Variants in WDR83 observed in about 807,000 individuals in gnomAD.
WDR83 encodes the protein WD repeat domain 83, also known as WD repeat domain-containing protein 83.
In WDR83, 37 loss-of-function variants were observed where a neutral mutation model predicts 37.7. That is an observed-to-expected ratio of 0.98 (90% CI 0.76 to 1.29). The LOEUF (loss-of-function observed/expected upper bound fraction) is 1.29, where lower values mean the gene tolerates loss of function less well. Ranked by LOEUF, WDR83 falls within the 50% of genes most tolerant of loss-of-function variation. The pLI, the probability that WDR83 is intolerant of heterozygous loss-of-function variation, is 0.00. For synonymous variants in WDR83, 174 were observed against 181.1 expected (o/e 0.96, Z 0.31); for missense variants, 445 against 414.4 (o/e 1.07, Z -0.64).
rs2024368957 is a variant in WDR83, at chr19:12,670,157, ATCC to A, written c.225-12_225-10del. The A allele has an allele frequency of 6.2e-6, 10 of 1,610,026 alleles. No individual in the cohort carries two copies. The highest frequency in any genetic ancestry group is 3.3e-5 in the South Asian group (3 of 90,946). ...AGGCTGGGATCCGAGGTCGATGCTGATCCTCCTCCTCCTTTACTCCAGCTCCTT... is the reference window on the plus strand; with the variant it reads ...AGGCTGGGATCCGAGGTCGATGCTGATCCTCCTCCTTTACTCCAGCTCCTT... On this transcript the variant is annotated intron_variant, in intron 4 of 10. Transcript: ENST00000418543.
In WDR83 at chr19:12,673,026, G is replaced by A; in HGVS notation, c.593G>A (p.Cys198Tyr). 1 of 1,613,514 alleles carries A rather than the reference G, an allele frequency of 6.2e-7. No individual in the cohort carries two copies. Among genetic ancestry groups the A allele is most frequent in the South Asian group, 1.1e-5 (1 of 91,062 alleles). Reference protein sequence around the residue: ...DYVGSPITCTCFSRDGQCTLV... With the variant: ...DYVGSPITCTYFSRDGQCTLV... ...CCCCAAGGCCCCATCACCTGCACCTGCTTCAGCCGGGATGGGCAGTGCACC... is the reference window on the plus strand; with the variant it reads ...CCCCAAGGCCCCATCACCTGCACCTACTTCAGCCGGGATGGGCAGTGCACC... The change falls in exon 9 of 11, where the codon TGC (cysteine) becomes TAC (tyrosine). Residue 198 changes from cysteine (C) to tyrosine (Y), a missense_variant. Coordinates refer to ENST00000418543, the MANE Select transcript of WDR83 (RefSeq NM_001099737.3).
intron 10 of WDR83, among the ~76,000 whole-genome samples, chr19:12,674,562 C>G (rs2024514148): frequency 6.6e-6 from 1 of 152,144 alleles, no homozygotes; most frequent in Non-Finnish European, 1.5e-5. Flanking sequence ...GGAGGGCAGG[C>G]ACATCAAGGG....
intron 10 of WDR83, among the ~76,000 whole-genome samples, chr19:12,673,765 C>A (rs965177150): frequency 6.6e-6 from 1 of 152,062 alleles, no homozygotes; most frequent in African/African-American, 2.4e-5. Context: ...GTGGCGCCAT[C>A]TCAGCTCACT....
At chr19:12,674,550 TTG>T (rs2145329807) in intron 10 of WDR83, among the ~76,000 whole-genome samples, 1 of 152,276 alleles carries the variant, frequency 6.6e-6, no homozygotes, top group South Asian at 2.1e-4. Context: ...AGAAGTTGCC[TTG>T]GAGGGCAGGC....
chr19:12,672,973 C>T, intron 8 of WDR83, 35 bp from the exon 9 acceptor site: 9 of 1,600,060 alleles, frequency 5.6e-6, no homozygotes, highest in Non-Finnish European at 7.7e-6. Context: ...CCAGGGGCAC[C>T]CCACCCTCAC....
chr19:12,666,866 A>G lies in WDR83; in HGVS notation c.-283A>G, dbSNP rs1031197739. 2.3e-5 allele frequency: 15 copies of G among 661,098 alleles called. No homozygotes were observed. Among genetic ancestry groups the G allele is most frequent in the African/African-American group, 3.7e-5 (2 of 54,046 alleles). The allele number at this position is 661,098 out of a possible 1,614,324, so 41.0% of individuals were successfully genotyped here. ...CCTGGGCAATCCCGGGGGTCGTTACAGGAAGGTAGGAAAATGCCACCCTCA... is the reference window on the plus strand; with the variant it reads ...CCTGGGCAATCCCGGGGGTCGTTACGGGAAGGTAGGAAAATGCCACCCTCA... On this transcript the variant is annotated 5_prime_UTR_variant, in exon 1 of 11. Coordinates refer to ENST00000418543, the MANE Select transcript of WDR83 (RefSeq NM_001099737.3).
chr19:12,672,956 G>A (rs778867014), intron 8 of WDR83, 42 bp downstream of exon 8: 2 of 1,595,050 alleles, frequency 1.3e-6, no homozygotes, highest in Non-Finnish European at 1.7e-6. Flanking sequence ...GGAAGATGGG[G>A]GGCCAACCAG....
chr19:12,675,558 TGTG>T lies in WDR83; in HGVS notation c.838_840del (p.Val280del), dbSNP rs2024549663. 1 of 1,606,136 alleles carries T rather than the reference TGTG, an allele frequency of 6.2e-7. No homozygotes were observed. Among genetic ancestry groups the T allele is most frequent in the African/African-American group, 1.3e-5 (1 of 74,870 alleles). ...CTCTGGCCCTGCCTGTGGGTTCCGG[TGTG>T]GTGCAGTCGCTGGCCTACCACCCAA... On this transcript the variant is annotated inframe_deletion, in exon 11 of 11. Transcript: ENST00000418543.
At position 12,670,554 on chromosome 19, in the gene WDR83, C is replaced by A; in HGVS notation, c.331-9C>A. The A allele has an allele frequency of 6.2e-7, 1 of 1,614,218 alleles. No individual in the cohort carries two copies. The highest frequency in any genetic ancestry group is 8.5e-7 in the Non-Finnish European group (1 of 1,180,034). ...TCCAGCCTCCTCTGAGTGGCAATAA[C>A]TTTCTCAGAAGGTGAACACGGTGCA... On this transcript the variant is annotated splice_polypyrimidine_tract_variant and intron_variant, in intron 5 of 10. Coordinates refer to ENST00000418543, the MANE Select transcript of WDR83 (RefSeq NM_001099737.3).
intron 3 of WDR83, 36 bp from the exon 4 acceptor site, chr19:12,669,941 T>G (rs201724303): frequency 1.2e-6 from 2 of 1,602,560 alleles, no homozygotes; most frequent in East Asian, 4.5e-5. Context: ...CCTCCTGAGA[T>G]CGACGGCCCA....
intron 5 of WDR83, 121 bp downstream of exon 5, chr19:12,670,406 C>T: frequency 6.7e-7 from 1 of 1,499,482 alleles, no homozygotes; most frequent in Non-Finnish European, 9.2e-7. Context: ...ATCCCCCACT[C>T]CGCATGCCAG....
chr19:12,673,542 T>A (rs1001871017), intron 10 of WDR83, among the ~76,000 whole-genome samples: 1 of 151,206 alleles, frequency 6.6e-6, no homozygotes, highest in South Asian at 2.1e-4. Context: ...CTCAGTCTCC[T>A]GAGTAGTTGG....
Position 12,669,734 on chromosome 19 carries a change from G to A in WDR83, c.-36-21G>A, listed in dbSNP as rs532939960. ...GTTACACCCAAGCGTGGGTTTCTAA[G>A]GCGCGGAATTTTCCGTACAGACCGA... is the stretch of plus-strand genomic sequence containing the variant. On this transcript the variant is annotated intron_variant, in intron 2 of 10. Coordinates refer to ENST00000418543, the MANE Select transcript of WDR83 (RefSeq NM_001099737.3). 11 of 1,516,410 alleles carry A rather than the reference G, an allele frequency of 7.3e-6. No individual in the cohort carries two copies. In the East Asian group the frequency reaches 2.3e-4, roughly 31 times the overall value. 93.9% of individuals were successfully genotyped at this position (1,516,410 alleles called of 1,614,324 possible).
chr19:12,674,783 G>A (rs989521062), intron 10 of WDR83, among the ~76,000 whole-genome samples: 1 of 152,142 alleles, frequency 6.6e-6, no homozygotes, highest in African/African-American at 2.4e-5. Flanking sequence ...TAGAAGCAGA[G>A]CCAAGAGGAA....
At position 12,668,162 on chromosome 19, in the gene WDR83, G is replaced by C. The variant is rs1808745581; in HGVS notation, c.-156-346G>C. 3 of 580,950 alleles carry C rather than the reference G, an allele frequency of 5.2e-6. No individual in the cohort carries two copies. The South Asian group carries it at 6.1e-5, about 12-fold the overall frequency. 36.0% of individuals were successfully genotyped at this position (580,950 alleles called of 1,614,324 possible). A position where few individuals can be genotyped will look rare whatever the true frequency, so the allele number is the denominator to read the frequency against. On this transcript the variant is annotated intron_variant, in intron 1 of 10. Coordinates refer to ENST00000418543, the MANE Select transcript of WDR83 (RefSeq NM_001099737.3). ...TGGACAGCATCTCCCCCAGCAGCAGGCAGGGGAAGGGAGGCAGGAGGGGTA... is the reference window on the plus strand; with the variant it reads ...TGGACAGCATCTCCCCCAGCAGCAGCCAGGGGAAGGGAGGCAGGAGGGGTA...
At chr19:12,669,626 A>G in intron 2 of WDR83, 129 bp from the exon 3 acceptor site, 2 of 923,472 alleles carry the variant, frequency 2.2e-6, no homozygotes, top group Non-Finnish European at 3.2e-6. Flanking sequence ...GGGCTTCAAT[A>G]GTTCCAACCC....
intron 7 of WDR83, chr19:12,671,335 A>C (rs2024410233): frequency 6.5e-6 from 1 of 153,378 alleles, no homozygotes; most frequent in African/African-American, 2.4e-5. Flanking sequence ...CTCAAAAAAA[A>C]AAAGATAAAA....
At chr19:12,674,645 G>T (rs2024516428) in intron 10 of WDR83, among the ~76,000 whole-genome samples, 1 of 152,194 alleles carries the variant, frequency 6.6e-6, no homozygotes, top group South Asian at 2.1e-4. Context: ...ACCAGGGGAA[G>T]TGGGGATCAT....
In WDR83 at chr19:12,673,257, G is replaced by GT; in HGVS notation, c.739_740insT (p.Asp247ValfsTer9). 6.2e-7 allele frequency: 1 copy of GT among 1,614,054 alleles called. No individual in the cohort carries two copies. Among genetic ancestry groups the GT allele is most frequent in the Non-Finnish European group, 8.5e-7 (1 of 1,180,016 alleles). ...GCTGGACTGCTGCCTGAGCGAGCGTGACACACATGTGGTCAGCTGTTCTGA... is the reference window on the plus strand; with the variant it reads ...GCTGGACTGCTGCCTGAGCGAGCGTGTACACACATGTGGTCAGCTGTTCTGA... On this transcript the variant is annotated frameshift_variant, in exon 10 of 11. Coordinates refer to ENST00000418543, the MANE Select transcript of WDR83 (RefSeq NM_001099737.3). LOFTEE classifies it high-confidence loss of function.
Sources: allele counts gnomAD v4.1 joint callset (sites outside exome capture counted in the v4.1 genomes callset), GRCh38; gene constraint gnomAD v4.1.1; transcripts MANE v1.5; gene names NCBI Gene and HGNC (gene_info 2026-07-23, HGNC 2026-07-21).